RBFOX1: variants seen among roughly 807,000 people sequenced by gnomAD.
RBFOX1 encodes RNA binding fox-1 homolog 1.
A neutral mutation model predicts 57.7 loss-of-function variants in RBFOX1; 8 were observed. That is an observed-to-expected ratio of 0.14 (90% CI 0.08 to 0.25). RBFOX1 has a LOEUF of 0.25. Ranked by LOEUF, RBFOX1 falls within the 10% of genes least tolerant of loss-of-function variation. The pLI is 1.00. For missense variants in RBFOX1, 611 were observed against 548.5 expected, an observed-to-expected ratio of 1.11 and a Z score of -1.14; for synonymous variants, 326 against 222.4, an observed-to-expected ratio of 1.47 and a Z score of -4.15.
In RBFOX1 at chr16:5,362,168, T is replaced by C. The variant is rs570589703; in HGVS notation, c.220-105048T>C. Among the ~76,000 whole-genome samples the C allele has an allele frequency of 1.4e-3, 207 of 152,310 alleles. 1 individual carries two copies. Among genetic ancestry groups the C allele is most frequent in the Admixed American group, 2.2e-3 (34 of 15,292 alleles). ...GGCATAATATTGTGCAGCAGATCTC[T>C]AGAACTTACTCAACTTGTGTCACTG... is the stretch of plus-strand genomic sequence containing the variant. On this transcript the variant is annotated intron_variant, in intron 1 of 2. Transcript: ENST00000585867.
chr16:6,260,143 A>C (rs1292189718), intron 1 of RBFOX1, among the ~76,000 whole-genome samples: 2 of 152,126 alleles, frequency 1.3e-5, no homozygotes, highest in Non-Finnish European at 1.5e-5. Flanking sequence ...CCTCTACAGA[A>C]ATCTGTTGAG....
At chr16:6,174,105 C>T (rs1266511178) in intron 1 of RBFOX1, among the ~76,000 whole-genome samples, 1 of 152,120 alleles carries the variant, frequency 6.6e-6, no homozygotes, top group Admixed American at 6.5e-5. Flanking sequence ...GGCAACTTAA[C>T]AGGTTACTGG....
At position 6,400,581 on chromosome 16, in the gene RBFOX1, T is replaced by C. The variant is rs903117130; in HGVS notation, c.-64+83524T>C. The stretch of plus-strand genomic sequence containing the variant: ...CAATATAGTAAAAGGATGGGAATAG[T>C]AAATATAAAAACAGAAATCAGGCTG... On this transcript the variant is annotated intron_variant, in intron 2 of 15. Coordinates refer to ENST00000550418, the MANE Select transcript of RBFOX1 (RefSeq NM_018723.4). Among the ~76,000 whole-genome samples the C allele has an allele frequency of 1.1e-4, 16 of 152,154 alleles. 1 individual carries two copies. The highest frequency in any genetic ancestry group is 3.9e-4 in the African/African-American group (16 of 41,504).
chr16:5,834,942 G>T (rs1035039732), intron 3 of RBFOX1, among the ~76,000 whole-genome samples: 80 of 152,264 alleles, frequency 5.3e-4, no homozygotes, highest in Non-Finnish European at 7.8e-4. Context: ...CCACAGAGGT[G>T]TTACCAGTTT....
intron 3 of RBFOX1, among the ~76,000 whole-genome samples, chr16:6,860,370 C>T (rs949262207): frequency 7.9e-5 from 12 of 152,214 alleles, no homozygotes; most frequent in Admixed American, 5.9e-4. Context: ...TCTTGGAAAG[C>T]ATTTGTTATT....
intron 2 of RBFOX1, among the ~76,000 whole-genome samples, chr16:6,573,078 G>C (rs1345296): frequency 0.96 from 146,040 of 152,240 alleles, 70,331 homozygotes; most frequent in Non-Finnish European, 1. Flanking sequence ...TTAATTTCTC[G>C]TTGATCTGCT....
At chr16:7,237,588 G>T (rs2093833506) in intron 4 of RBFOX1, among the ~76,000 whole-genome samples, 1 of 152,168 alleles carries the variant, frequency 6.6e-6, no homozygotes, top group African/African-American at 2.4e-5. Context: ...TGTCAACTCT[G>T]CCTCTTTCAG....
chr16:6,608,243 T>C lies in RBFOX1; in HGVS notation c.-63-46360T>C, dbSNP rs565618222. Among the ~76,000 whole-genome samples the C allele has an allele frequency of 5.9e-5, 9 of 152,316 alleles. No individual in the cohort carries two copies. The East Asian group carries it at 9.6e-4, about 16-fold the overall frequency. ...TCTAAGGCAGCATTGGTTTGTGTTA[T>C]AATCATTAATAGATACCTGAATTAA... On this transcript the variant is annotated intron_variant, in intron 2 of 15. Transcript: ENST00000550418.
chr16:7,273,563 C>G (rs1218478658), intron 4 of RBFOX1, among the ~76,000 whole-genome samples: 1 of 152,012 alleles, frequency 6.6e-6, no homozygotes, highest in Non-Finnish European at 1.5e-5. Flanking sequence ...CTCTTTGTGC[C>G]TTCATTTTTT....
At chr16:6,608,281 A>T (rs1360481639) in intron 2 of RBFOX1, among the ~76,000 whole-genome samples, 2 of 152,212 alleles carry the variant, frequency 1.3e-5, no homozygotes, top group Admixed American at 6.5e-5. Flanking sequence ...GAAATATTTC[A>T]AAGTAAAGCC....
intron 3 of RBFOX1, among the ~76,000 whole-genome samples, chr16:5,731,229 A>G (rs187057417): frequency 1.3e-5 from 2 of 151,842 alleles, no homozygotes; most frequent in Non-Finnish European, 2.9e-5. Context: ...CAACACTATC[A>G]TTGTCATCAC....
At chr16:6,634,506 A>G (rs573008663) in intron 2 of RBFOX1, among the ~76,000 whole-genome samples, 7 of 149,144 alleles carry the variant, frequency 4.7e-5, no homozygotes, top group African/African-American at 1.7e-4. Context: ...TATTATATCC[A>G]TTTAATAGAA....
Position 7,202,470 on chromosome 16 carries a change from T to C in RBFOX1, c.27+150372T>C, listed in dbSNP as rs117403480. On this transcript the variant is annotated intron_variant, in intron 4 of 15. Transcript: ENST00000550418. ...CTGCCAGATGATCCAACAATTCTTA[T>C]TCTGGATATATATTTAAAAGAGGTG... is the stretch of plus-strand genomic sequence containing the variant. Among the ~76,000 whole-genome samples the C allele has an allele frequency of 8.2e-4, 125 of 152,242 alleles. 3 individuals carry two copies. In the East Asian group the frequency reaches 0.023, roughly 28 times the overall value.
intron 13 of RBFOX1, among the ~76,000 whole-genome samples, chr16:7,670,239 C>T (rs1051509321): frequency 3.3e-5 from 5 of 152,120 alleles, no homozygotes; most frequent in South Asian, 2.1e-4. Context: ...ACCATGTTGG[C>T]CAGGCTGGTC....
chr16:7,451,831 CCTAAT>C (rs1278386404), intron 4 of RBFOX1, among the ~76,000 whole-genome samples: 1 of 152,096 alleles, frequency 6.6e-6, no homozygotes, highest in African/African-American at 2.4e-5. Context: ...CTCCCAGTTC[CCTAAT>C]CTAATTTATC....
chr16:7,057,837 G>A (rs976536011), intron 4 of RBFOX1, among the ~76,000 whole-genome samples: 5 of 152,042 alleles, frequency 3.3e-5, no homozygotes, highest in East Asian at 1.9e-4. Flanking sequence ...GTGAAACCCC[G>A]TCTCTGCTAA....
rs1037502993 is a variant in RBFOX1, at chr16:7,397,092, T to A, written c.28-121055T>A. ...AACTTAGCACATGAAAAATGAAAAC[T>A]ATTTTTTTCAGTGCATGAGTGATCA... On this transcript the variant is annotated intron_variant, in intron 4 of 15. Transcript: ENST00000550418. Among the ~76,000 whole-genome samples the A allele has an allele frequency of 3.9e-5, 6 of 152,196 alleles. 1 individual carries two copies. The East Asian group carries it at 1.2e-3, about 29-fold the overall frequency.
At position 7,574,288 on chromosome 16, in the gene RBFOX1, G is replaced by A. The variant is rs188416967; in HGVS notation, c.271-5489G>A. Among the ~76,000 whole-genome samples, 119 of 152,338 alleles carry A rather than the reference G, an allele frequency of 7.8e-4. 1 individual carries two copies. The highest frequency in any genetic ancestry group is 5.0e-3 in the South Asian group (24 of 4,830). On this transcript the variant is annotated intron_variant, in intron 5 of 15. Transcript: ENST00000550418. ...GTTCTCTTTGGAGAGTCTCATTGAA[G>A]TGACACCTGTATCAGGGTTCTCTAG...
At chr16:6,417,166 C>T (rs2093646149) in intron 2 of RBFOX1, among the ~76,000 whole-genome samples, 1 of 152,168 alleles carries the variant, frequency 6.6e-6, no homozygotes, top group African/African-American at 2.4e-5. Context: ...TGTGCGCCAC[C>T]ATGCCCAGTA....
Sources: gnomAD v4.1 joint callset for allele counts (sites outside exome capture counted in the v4.1 genomes callset) on GRCh38, gnomAD v4.1.1 for gene constraint, MANE v1.5 for transcripts, NCBI Gene and HGNC (gene_info 2026-07-23, HGNC 2026-07-21) for gene names.